The following SMO variants were observed in gnomAD, a reference collection of about 807,000 sequenced individuals.
The protein encoded by SMO is smoothened, frizzled class receptor.
In SMO, 40 loss-of-function variants were observed where a neutral mutation model predicts 81.6. That is an observed-to-expected ratio of 0.49 (90% CI 0.38 to 0.64). The LOEUF is 0.64. Among genes scored for constraint, SMO ranks in the 30% least tolerant of loss-of-function variants. SMO has a pLI of 0.00. For synonymous variants in SMO, 434 were observed against 432.1 expected (o/e 1.00, Z -0.05); for missense variants, 916 against 1,061.1 (o/e 0.86, Z 1.90).
chr7:129,202,096 G>T (rs776273364), intron 1 of SMO, among the ~76,000 whole-genome samples: 1 of 152,238 alleles, frequency 6.6e-6, no homozygotes, highest in East Asian at 1.9e-4. Context: ...GCAGTCAGAG[G>T]CCTCAGACAA....
At position 129,206,030 on chromosome 7, in the gene SMO, A is replaced by C. The variant is rs1793759713; in HGVS notation, c.921-120A>C. On this transcript the variant is annotated intron_variant, in intron 4 of 11. Transcript: ENST00000249373. The surrounding 1 kb of genome is among the most constrained non-coding windows in gnomAD (Gnocchi z 4.4). ...AGATCTGACCTGGGTCCTGTCTCCA[A>C]GCCCTGACTTCTGGGAACCTCCAGA... The C allele has an allele frequency of 2.2e-6, 2 of 911,426 alleles. No individual in the cohort carries two copies. The highest frequency in any genetic ancestry group is 3.3e-5 in the African/African-American group (2 of 60,088). 56.5% of individuals were successfully genotyped at this position (911,426 alleles called of 1,614,324 possible).
intron 1 of SMO, among the ~76,000 whole-genome samples, chr7:129,190,609 T>C (rs1481382216): frequency 2.0e-5 from 3 of 152,236 alleles, no homozygotes; most frequent in East Asian, 3.9e-4. Flanking sequence ...CGCCTGTCAT[T>C]GACAAGTTCT....
rs762329164 is a variant in SMO at position 129,189,348 on chromosome 7, G to C, written c.197G>C (p.Arg66Pro). ...CCGCCGCCGCTGAGCCACTGCGGCC[G>C]GGCTGCCCCCTGCGAGCCGCTGCGC... ...GPPPPLSHCG[R>P]AAPCEPLRYN... is the part of the protein sequence containing the mutation. Residue 66 changes from arginine to proline, a missense_variant, in exon 1 of 12, where the codon CGG becomes CCG. Physicochemically the swap from Arg to Pro is moderately radical, Grantham distance 103. This residue lies in a region of SMO where 146 missense variants were observed against 149.9 expected (regional missense o/e 0.97). Transcript: ENST00000249373. This position sits in a 1 kb window ranked among gnomAD's most constrained non-coding sequence, Gnocchi z 4.7. The C allele has an allele frequency of 6.5e-7, 1 of 1,526,894 alleles. No homozygotes were observed. The highest frequency in any genetic ancestry group is 8.7e-7 in the Non-Finnish European group (1 of 1,143,294). 94.6% of individuals were successfully genotyped at this position (1,526,894 alleles called of 1,614,324 possible).
At chr7:129,196,587 G>C (rs1563146625) in intron 1 of SMO, among the ~76,000 whole-genome samples, 1 of 151,782 alleles carries the variant, frequency 6.6e-6, no homozygotes, top group Non-Finnish European at 1.5e-5. Flanking sequence ...TTTCTATTTA[G>C]ATCTTTCATT....
intron 1 of SMO, among the ~76,000 whole-genome samples, chr7:129,190,717 G>A (rs898566658): frequency 1.3e-5 from 2 of 152,272 alleles, no homozygotes; most frequent in African/African-American, 4.8e-5. Context: ...TACCCATGAG[G>A]AAGAGCTGCA....
chr7:129,211,231 C>G lies in SMO; in HGVS notation c.1801+118C>G. ...GGAAGACCGACTGTGAGGAGCAAGG[C>G]GCTCCCTCCATCGCTCACACACCCA... On this transcript the variant is annotated intron_variant, in intron 10 of 11. Transcript: ENST00000249373. The surrounding 1 kb of genome is among the most constrained non-coding windows in gnomAD (Gnocchi z 4.6). The G allele has an allele frequency of 4.5e-6, 5 of 1,109,822 alleles. No individual in the cohort carries two copies. In the South Asian group the frequency reaches 6.9e-5, roughly 15 times the overall value. The allele number at this position is 1,109,822 out of a possible 1,614,324, so 68.7% of individuals were successfully genotyped here.
intron 7 of SMO, 179 bp downstream of exon 7, chr7:129,209,030 CG>C (rs1189204846): frequency 3.2e-6 from 2 of 620,086 alleles, no homozygotes; most frequent in Non-Finnish European, 5.8e-6. Flanking sequence ...GGGGTCTACT[CG>C]GGGGGAAGAA....
chr7:129,200,960 C>A (rs1258386798), intron 1 of SMO, among the ~76,000 whole-genome samples: 1 of 152,126 alleles, frequency 6.6e-6, no homozygotes, highest in Non-Finnish European at 1.5e-5. Context: ...TGGTCTCAAA[C>A]TCCCGACCTC....
At chr7:129,194,899 C>T (rs1050087327) in intron 1 of SMO, among the ~76,000 whole-genome samples, 4 of 152,042 alleles carry the variant, frequency 2.6e-5, no homozygotes, top group South Asian at 2.1e-4. Context: ...CTCCTGCCTC[C>T]GCCTCCCAGG....
chr7:129,197,341 T>C (rs1460582906), intron 1 of SMO, among the ~76,000 whole-genome samples: 2 of 152,232 alleles, frequency 1.3e-5, no homozygotes, highest in African/African-American at 2.4e-5. Context: ...AGGTTTTTTA[T>C]AGTTAATTAC....
chr7:129,209,055 A>T (rs41274161), intron 7 of SMO: 235 of 614,234 alleles, frequency 3.8e-4, no homozygotes, highest in Admixed American at 1.0e-3. Flanking sequence ...AGTCAAGTTC[A>T]TGCCGGGACT....
chr7:129,206,186 C>G lies in SMO; in HGVS notation c.957C>G (p.Val319=), dbSNP rs1231112939. Residue 319 remains valine (V), a synonymous_variant, in exon 5 of 12, where the codon GTC becomes GTG. Transcript: ENST00000249373. This position sits in a 1 kb window ranked among gnomAD's most constrained non-coding sequence, Gnocchi z 4.4. ...CTCTGTCCTGCGTCATCATCTTTGT[C>G]ATCGTGTACTACGCCCTGATGGCTG... is the stretch of plus-strand genomic sequence containing the variant. ...NETLSCVIIF[V]IVYYALMAGV... 1 of 1,612,614 alleles carries G rather than the reference C, an allele frequency of 6.2e-7. No homozygotes were observed. Among genetic ancestry groups the G allele is most frequent in the East Asian group, 2.2e-5 (1 of 44,864 alleles).
rs2150655431 is a variant in SMO, at chr7:129,211,598, C to A, written c.1802-38C>A. ...GAGGCACTGCCAGGGACCGGGAAGT[C>A]ACTATTCCTTCTCCTTTCCTTCCTT... On this transcript the variant is annotated intron_variant, in intron 10 of 11. Coordinates refer to ENST00000249373, the MANE Select transcript of SMO (RefSeq NM_005631.5). This position sits in a 1 kb window ranked among gnomAD's most constrained non-coding sequence, Gnocchi z 4.6. 1 of 1,606,000 alleles carries A rather than the reference C, an allele frequency of 6.2e-7. No individual in the cohort carries two copies. Among genetic ancestry groups the A allele is most frequent in the Admixed American group, 1.7e-5 (1 of 59,694 alleles).
chr7:129,203,417 T>A lies in SMO; in HGVS notation c.365T>A (p.Ile122Asn), dbSNP rs2150646522. ...AATGCCCCCCGCTGCTGGGCAGTGA[T>A]CCAGCCCCTGCTGTGTGCCGTATAC... is the stretch of plus-strand genomic sequence containing the variant. ...LRNAPRCWAVIQPLLCAVYMP... is the reference protein window; with the variant it reads ...LRNAPRCWAVNQPLLCAVYMP... The change falls in exon 2 of 12, where the codon ATC (isoleucine) becomes AAC (asparagine). Residue 122 changes from isoleucine to asparagine, a missense_variant. This residue lies in a region of SMO where 10 missense variants were observed against 27.5 expected (regional missense o/e 0.36). Transcript: ENST00000249373. 1 of 1,556,606 alleles carries A rather than the reference T, an allele frequency of 6.4e-7. No homozygotes were observed. Among genetic ancestry groups the A allele is most frequent in the Non-Finnish European group, 8.7e-7 (1 of 1,149,796 alleles).
intron 1 of SMO, among the ~76,000 whole-genome samples, chr7:129,193,203 C>T (rs1012537660): frequency 6.6e-6 from 1 of 152,162 alleles, no homozygotes; most frequent in Non-Finnish European, 1.5e-5. Context: ...GGCGATAGGT[C>T]CCTGAGAGCC....
intron 2 of SMO, among the ~76,000 whole-genome samples, chr7:129,203,859 G>A (rs955121894): frequency 2.0e-5 from 3 of 152,008 alleles, no homozygotes; most frequent in Non-Finnish European, 2.9e-5. Flanking sequence ...CGGGCATCAC[G>A]GATGACAGGA....
In SMO at chr7:129,212,223, C is replaced by T. The variant is rs2150656812; in HGVS notation, c.2136C>T (p.Cys712=). The T allele has an allele frequency of 6.3e-7, 1 of 1,583,174 alleles. No homozygotes were observed. The highest frequency in any genetic ancestry group is 8.6e-7 in the Non-Finnish European group (1 of 1,164,542). ...PRLPQLPRQK[C]LVAAGAWGAG... is the part of the protein sequence containing the mutation. ...TGCCTCAGCTGCCCCGGCAGAAATG[C>T]CTGGTGGCTGCAGGTGCCTGGGGAG... Residue 712 remains cysteine, a synonymous_variant, in exon 12 of 12, where the codon TGC becomes TGT. Coordinates refer to ENST00000249373, the MANE Select transcript of SMO (RefSeq NM_005631.5). The surrounding 1 kb of genome is among the most constrained non-coding windows in gnomAD (Gnocchi z 5.0).
At position 129,189,062 on chromosome 7, in the gene SMO, T is replaced by C. The variant is rs2150637531; in HGVS notation, c.-90T>C. 2.6e-6 allele frequency: 3 copies of C among 1,167,146 alleles called. No individual in the cohort carries two copies. Among genetic ancestry groups the C allele is most frequent in the Non-Finnish European group, 3.2e-6 (3 of 936,610 alleles). The allele number at this position is 1,167,146 out of a possible 1,614,324, so 72.3% of individuals were successfully genotyped here. A position where few individuals can be genotyped will look rare whatever the true frequency, so the allele number is the denominator to read the frequency against. ...GGGCGCACAGGTCGCCTGAGCCGCCTCCGCGGCCGCCGAGGTCGTGCGTGT... is the reference window on the plus strand; with the variant it reads ...GGGCGCACAGGTCGCCTGAGCCGCCCCCGCGGCCGCCGAGGTCGTGCGTGT... On this transcript the variant is annotated 5_prime_UTR_variant, in exon 1 of 12. Coordinates refer to ENST00000249373, the MANE Select transcript of SMO (RefSeq NM_005631.5). The surrounding 1 kb of genome is among the most constrained non-coding windows in gnomAD (Gnocchi z 4.7).
rs111694017 is a variant in SMO at position 129,205,670 on chromosome 7, G to A, written c.808G>A (p.Val270Ile). ...NRYPAVILFY[V>I]NACFFVGSIG... ...CTACCCTGCTGTTATTCTCTTCTAC[G>A]TCAATGCGTGCTTCTTTGTGGGCAG... Residue 270 changes from valine (V) to isoleucine (I), a missense_variant, in exon 4 of 12, where the codon GTC (valine) becomes ATC (isoleucine). Physicochemically the swap from Val to Ile is conservative, Grantham distance 29. Around this residue, in one of 4 missense-constraint regions of SMO, gnomAD observed 436 missense variants for 570.9 expected, o/e 0.76. Coordinates refer to ENST00000249373, the MANE Select transcript of SMO (RefSeq NM_005631.5). The A allele has an allele frequency of 9.1e-3, 14,677 of 1,613,916 alleles. 84 individuals are homozygous for A. The highest frequency in any genetic ancestry group is 0.011 in the Non-Finnish European group (12,579 of 1,179,972).
Sources: allele counts gnomAD v4.1 joint callset (sites outside exome capture counted in the v4.1 genomes callset), GRCh38; gene constraint gnomAD v4.1.1; regional missense constraint gnomAD v4.1.1; non-coding constraint Gnocchi (gnomAD v3.1); transcripts MANE v1.5; gene names NCBI Gene and HGNC (gene_info 2026-07-23, HGNC 2026-07-21).